The following RNF130 variants were observed in gnomAD, a reference collection of about 807,000 sequenced individuals.
RNF130 encodes E3 ubiquitin-protein ligase RNF130.
Under a neutral mutation model 44.6 loss-of-function variants are expected in RNF130, and 21 were observed. The ratio of observed to expected loss-of-function variants is 0.47; its 90% CI spans 0.33 to 0.68. The LOEUF (loss-of-function observed/expected upper bound fraction) is 0.68. Ranked by LOEUF, RNF130 falls within the 30% of genes least tolerant of loss-of-function variation. The pLI is 0.02. For missense variants in RNF130, 479 were observed against 560.6 expected, an observed-to-expected ratio of 0.85 and a Z score of 1.47; for synonymous variants, 214 against 210.4, an observed-to-expected ratio of 1.02 and a Z score of -0.15.
At chr5:180,012,061 T>C (rs1027070910) in intron 3 of RNF130, among the ~76,000 whole-genome samples, 1 of 152,176 alleles carries the variant, frequency 6.6e-6, no homozygotes, top group Non-Finnish European at 1.5e-5. Context: ...CAGTCAGCGT[T>C]TGGGTGTTTT....
chr5:180,060,558 A>G (rs967279346), intron 1 of RNF130, among the ~76,000 whole-genome samples: 1 of 152,100 alleles, frequency 6.6e-6, no homozygotes, highest in Non-Finnish European at 1.5e-5. Flanking sequence ...TTTTACCAAC[A>G]CACCGCGAGG....
chr5:180,023,419 C>T (rs1188904705), intron 2 of RNF130, among the ~76,000 whole-genome samples: 2 of 152,122 alleles, frequency 1.3e-5, no homozygotes, highest in African/African-American at 2.4e-5. Context: ...GATTCTAGGA[C>T]TGATGTGTCA....
intron 3 of RNF130, among the ~76,000 whole-genome samples, chr5:179,981,279 C>T (rs73810493): frequency 0.012 from 1,881 of 152,272 alleles, 43 homozygotes; most frequent in African/African-American, 0.043. Flanking sequence ...GGGGCAAAAA[C>T]CGCGACTGTC....
chr5:180,015,095 C>A (rs556087223), intron 2 of RNF130, among the ~76,000 whole-genome samples: 7 of 152,306 alleles, frequency 4.6e-5, no homozygotes, highest in African/African-American at 1.4e-4. Flanking sequence ...TTTATTAGAA[C>A]AGCAGTTTAC....
At chr5:180,032,484 A>T (rs1764152396) in intron 2 of RNF130, among the ~76,000 whole-genome samples, 1 of 151,762 alleles carries the variant, frequency 6.6e-6, no homozygotes, top group South Asian at 2.1e-4. Flanking sequence ...TGATTCTACC[A>T]CTTTAGCCTC....
chr5:180,062,564 G>C (rs1765011479), intron 1 of RNF130, among the ~76,000 whole-genome samples: 1 of 152,158 alleles, frequency 6.6e-6, no homozygotes, highest in African/African-American at 2.4e-5. Flanking sequence ...TGCATTCTGA[G>C]GTTTAAGATA....
chr5:179,966,022 G>A (rs1053993619), intron 7 of RNF130, among the ~76,000 whole-genome samples: 2 of 152,148 alleles, frequency 1.3e-5, no homozygotes, highest in African/African-American at 4.8e-5. Context: ...CCAGGAAGAT[G>A]GGTGAAAGGT....
Position 180,040,528 on chromosome 5 carries a change from C to G in RNF130, c.367G>C (p.Ala123Pro). 1 of 1,614,178 alleles carries G rather than the reference C, an allele frequency of 6.2e-7. No homozygotes were observed. Among genetic ancestry groups the G allele is most frequent in the Non-Finnish European group, 8.5e-7 (1 of 1,180,038 alleles). Residue 123 changes from alanine (A) to proline (P), a missense_variant, in exon 2 of 9, where the codon GCT (alanine) becomes CCT (proline). By Grantham distance (27) the Ala-to-Pro change is conservative (BLOSUM62 -1). Around this residue, in one of 3 missense-constraint regions of RNF130, gnomAD observed 180 missense variants for 275.1 expected, o/e 0.65. Coordinates refer to ENST00000521389, the MANE Select transcript of RNF130 (RefSeq NM_018434.6). ...CTFKEKISRA[A>P]FHNAVAVVIY... The stretch of plus-strand genomic sequence containing the variant: ...ACTACAGCAACTGCATTGTGGAAAG[C>G]GGCCCGTGATATTTTCTCTTTAAAC...
chr5:180,071,500 G>T lies in RNF130; in HGVS notation c.203C>A (p.Ala68Asp). Reference protein sequence around the residue: ...RGRYGLDSPKAEVRGQVLAPL... With the variant: ...RGRYGLDSPKDEVRGQVLAPL... ...CGCCAGCACCTGGCCGCGGACCTCG[G>T]CCTTGGGGGAGTCAAGCCCGTAGCG... Residue 68 changes from alanine to aspartate, a missense_variant, in exon 1 of 9, where the codon GCC becomes GAC. By Grantham distance (126) the Ala-to-Asp change is moderately radical. This residue lies in a region of RNF130 where 138 missense variants were observed against 126.9 expected (regional missense o/e 1.09). Coordinates refer to ENST00000521389, the MANE Select transcript of RNF130 (RefSeq NM_018434.6). 7.7e-7 allele frequency: 1 copy of T among 1,305,296 alleles called. No homozygotes were observed. Among genetic ancestry groups the T allele is most frequent in the Admixed American group, 3.3e-5 (1 of 30,288 alleles). The allele number at this position is 1,305,296 out of a possible 1,614,324, so 80.9% of individuals were successfully genotyped here.
intron 1 of RNF130, 123 bp from the exon 2 acceptor site, chr5:180,040,770 A>G: frequency 1.3e-6 from 1 of 798,684 alleles, no homozygotes; most frequent in Non-Finnish European, 2.0e-6. Context: ...CGCTGCCAGC[A>G]GAGCTATGAA....
At chr5:179,920,404 G>A (rs1482433771) in exon 8 of RNF130, 13 of 702,310 alleles carry the variant, frequency 1.9e-5, no homozygotes, top group Non-Finnish European at 2.6e-5. Context: ...GGGACAAGGA[G>A]TTTCGATGAA....
chr5:179,980,620 G>A (rs761325714), intron 3 of RNF130: 3 of 158,198 alleles, frequency 1.9e-5, no homozygotes, highest in East Asian at 1.8e-4. Context: ...TGTAAATGCC[G>A]TCTTATTAAG....
Position 180,013,204 on chromosome 5 carries a change from G to A in RNF130, c.550C>T (p.Arg184Ter). ...SVQMTIAVGT[R>*]MPPKNFSRGS... ...CGGCTGAAGTTCTTCGGTGGCATTCGAGTTCCAACAGCTATTGTCATTTGT... is the reference window on the plus strand; with the variant it reads ...CGGCTGAAGTTCTTCGGTGGCATTCAAGTTCCAACAGCTATTGTCATTTGT... Residue 184 changes from arginine (R) to a stop codon, truncating the protein, a stop_gained, in exon 3 of 9, where the codon CGA becomes TGA. Coordinates refer to ENST00000521389, the MANE Select transcript of RNF130 (RefSeq NM_018434.6). LOFTEE classifies it high-confidence loss of function. The A allele has an allele frequency of 1.9e-6, 3 of 1,614,126 alleles. No homozygotes were observed. Among genetic ancestry groups the A allele is most frequent in the Non-Finnish European group, 2.5e-6 (3 of 1,180,038 alleles).
chr5:180,041,341 ATCTG>A (rs1296305079), intron 1 of RNF130, among the ~76,000 whole-genome samples: 4 of 152,260 alleles, frequency 2.6e-5, no homozygotes, highest in Non-Finnish European at 5.9e-5. Flanking sequence ...TACTGTATCC[ATCTG>A]TCTAACAGGT....
At chr5:179,958,336 T>C (rs530520932) in intron 8 of RNF130, among the ~76,000 whole-genome samples, 24 of 152,298 alleles carry the variant, frequency 1.6e-4, no homozygotes, top group African/African-American at 2.2e-4. Flanking sequence ...TGTGTGAAAT[T>C]TGTTTCAGTT....
intron 1 of RNF130, among the ~76,000 whole-genome samples, chr5:180,048,275 G>A (rs1055721635): frequency 6.6e-5 from 10 of 152,102 alleles, no homozygotes; most frequent in African/African-American, 1.2e-4. Context: ...GAAGGGGCAC[G>A]GAAGGGAGTC....
At chr5:180,032,626 T>C (rs1329325944) in intron 2 of RNF130, among the ~76,000 whole-genome samples, 1 of 152,250 alleles carries the variant, frequency 6.6e-6, no homozygotes, top group Non-Finnish European at 1.5e-5. Flanking sequence ...GTGGCACTTT[T>C]GTTGAAAATC....
chr5:180,052,171 A>G (rs1006686613), intron 1 of RNF130, among the ~76,000 whole-genome samples: 1 of 151,368 alleles, frequency 6.6e-6, no homozygotes, highest in Non-Finnish European at 1.5e-5. Context: ...AGTATCATCC[A>G]CTCCCCTGCC....
intron 3 of RNF130, among the ~76,000 whole-genome samples, chr5:180,006,087 A>T (rs1262013131): frequency 6.6e-6 from 1 of 152,180 alleles, no homozygotes; most frequent in Non-Finnish European, 1.5e-5. Flanking sequence ...GTATTTTTTT[A>T]AAACTGGTAA....
Sources: allele counts gnomAD v4.1 joint callset (sites outside exome capture counted in the v4.1 genomes callset), GRCh38; gene constraint gnomAD v4.1.1; regional missense constraint gnomAD v4.1.1; transcripts MANE v1.5; gene names NCBI Gene and HGNC (gene_info 2026-07-23, HGNC 2026-07-21).